Variants in TBC1D8 observed in about 807,000 individuals in gnomAD.
TBC1D8 encodes the protein TBC1 domain family member 8.
Under a neutral mutation model 118.8 loss-of-function variants are expected in TBC1D8, and 65 were observed. The observed-to-expected ratio is 0.55, with a 90% CI of 0.45 to 0.67. The LOEUF is 0.67. TBC1D8 is among the 30% of genes least tolerant of loss of function. TBC1D8 has a pLI of 0.00. For missense variants in TBC1D8, 1,376 were observed against 1,471.2 expected (o/e 0.94, Z 1.06); for synonymous variants, 566 against 595.8 (o/e 0.95, Z 0.73).
intron 1 of TBC1D8, among the ~76,000 whole-genome samples, chr2:101,128,575 G>C (rs772179571): frequency 3.5e-4 from 54 of 152,198 alleles, no homozygotes; most frequent in Non-Finnish European, 1.2e-4. Context: ...ATGTGATCCA[G>C]CAATTCCACT....
chr2:101,105,265 C>T (rs1677127887), intron 1 of TBC1D8, among the ~76,000 whole-genome samples: 1 of 152,024 alleles, frequency 6.6e-6, no homozygotes, highest in Non-Finnish European at 1.5e-5. Flanking sequence ...CCAAAATATA[C>T]AAAGAATTCT....
At chr2:101,139,869 C>A (rs996095893) in intron 1 of TBC1D8, among the ~76,000 whole-genome samples, 3 of 152,158 alleles carry the variant, frequency 2.0e-5, no homozygotes, top group Admixed American at 1.3e-4. Flanking sequence ...GCACTCACCA[C>A]CATTGATAAC....
intron 2 of TBC1D8, among the ~76,000 whole-genome samples, chr2:101,062,229 G>C (rs1480644556): frequency 6.6e-6 from 1 of 151,982 alleles, no homozygotes; most frequent in African/African-American, 2.4e-5. Context: ...GCTTTTCCTG[G>C]GTACTTTAAG....
chr2:101,077,865 GC>G (rs1466868089), intron 2 of TBC1D8, among the ~76,000 whole-genome samples: 1 of 152,134 alleles, frequency 6.6e-6, no homozygotes, highest in Admixed American at 6.5e-5. Context: ...ACAATTACCA[GC>G]CTTTATTCCT....
rs1430153779 is a variant in TBC1D8 at position 101,151,364 on chromosome 2, G to A, written c.-111C>T. 2.5e-5 allele frequency: 25 copies of A among 1,019,666 alleles called. No individual in the cohort carries two copies. Among genetic ancestry groups the A allele is most frequent in the Non-Finnish European group, 3.0e-5 (25 of 828,884 alleles). The allele number at this position is 1,019,666 out of a possible 1,614,324, so 63.2% of individuals were successfully genotyped here. On this transcript the variant is annotated 5_prime_UTR_variant, in exon 1 of 20. Transcript: ENST00000409318. ...CGGCGGCGCGCGGGGACCACAGCCC[G>A]GCCGGTGCCCAGCGCTCTGAGAGCC... is the stretch of plus-strand genomic sequence containing the variant.
At chr2:101,110,718 T>C (rs1156445038) in intron 1 of TBC1D8, among the ~76,000 whole-genome samples, 1 of 152,142 alleles carries the variant, frequency 6.6e-6, no homozygotes, top group Non-Finnish European at 1.5e-5. Flanking sequence ...GTCTCACATC[T>C]GTAATCCCAG....
chr2:101,011,556 G>A lies in TBC1D8; in HGVS notation c.2828-16C>T, dbSNP rs775481404. The A allele has an allele frequency of 1.2e-6, 2 of 1,613,534 alleles. No individual in the cohort carries two copies. The highest frequency in any genetic ancestry group is 1.3e-5 in the African/African-American group (1 of 74,918). On this transcript the variant is annotated splice_polypyrimidine_tract_variant and intron_variant, in intron 17 of 19. Coordinates refer to ENST00000409318, the MANE Select transcript of TBC1D8 (RefSeq NM_001330348.2). ...TCAGTGAGTGCTTAAAAAAAGATGAGAGGTTTAAATTAAACAAATTTTCTG... is the reference window on the plus strand; with the variant it reads ...TCAGTGAGTGCTTAAAAAAAGATGAAAGGTTTAAATTAAACAAATTTTCTG...
intron 1 of TBC1D8, among the ~76,000 whole-genome samples, chr2:101,111,057 C>T (rs1203007891): frequency 6.6e-6 from 1 of 150,498 alleles, no homozygotes; most frequent in Non-Finnish European, 1.5e-5. Context: ...CCGAAAAAGA[C>T]CACATGAAGT....
chr2:101,074,702 T>C (rs6543014), intron 2 of TBC1D8, among the ~76,000 whole-genome samples: 118,748 of 152,218 alleles, frequency 0.78, 47,116 homozygotes, highest in Middle Eastern at 0.93. Flanking sequence ...CAAACAATTA[T>C]GGGAACATTG....
intron 2 of TBC1D8, among the ~76,000 whole-genome samples, chr2:101,079,394 AT>A (rs1355491719): frequency 6.6e-6 from 1 of 152,116 alleles, no homozygotes; most frequent in Non-Finnish European, 1.5e-5. Context: ...TTATTCATGT[AT>A]TTATTTAAAG....
At chr2:101,019,190 G>A (rs776656456) in intron 17 of TBC1D8, 16 of 995,730 alleles carry the variant, frequency 1.6e-5, no homozygotes, top group Non-Finnish European at 2.2e-5. Context: ...CACGGCCGGG[G>A]TTTCAACAAG....
intron 1 of TBC1D8, among the ~76,000 whole-genome samples, chr2:101,100,925 C>T (rs956453579): frequency 6.6e-6 from 1 of 152,132 alleles, no homozygotes; most frequent in African/African-American, 2.4e-5. Context: ...AAATGTAAAA[C>T]CCAAAACCAT....
intron 2 of TBC1D8, among the ~76,000 whole-genome samples, chr2:101,065,040 C>G (rs914777110): frequency 1.3e-5 from 2 of 152,138 alleles, no homozygotes; most frequent in Non-Finnish European, 2.9e-5. Flanking sequence ...AATATTTATT[C>G]TCTTAGGTTT....
At chr2:101,059,852 T>C in intron 2 of TBC1D8, among the ~76,000 whole-genome samples, 1 of 151,816 alleles carries the variant, frequency 6.6e-6, no homozygotes, top group Non-Finnish European at 1.5e-5. Context: ...GGCAGGAGAA[T>C]GGCATGAACC....
intron 2 of TBC1D8, among the ~76,000 whole-genome samples, chr2:101,073,437 G>A (rs1224861624): frequency 1.3e-5 from 2 of 151,854 alleles, no homozygotes; most frequent in African/African-American, 4.8e-5. Flanking sequence ...TGGGAATACA[G>A]GTGCCCGCCA....
intron 5 of TBC1D8, 106 bp from the exon 6 acceptor site, chr2:101,040,491 A>G (rs1005263962): frequency 1.7e-6 from 2 of 1,201,708 alleles, no homozygotes; most frequent in African/African-American, 1.5e-5. Flanking sequence ...TATTTTTGAG[A>G]CAGAGTCTCG....
At chr2:101,095,498 C>T (rs887494850) in intron 1 of TBC1D8, among the ~76,000 whole-genome samples, 1 of 146,190 alleles carries the variant, frequency 6.8e-6, no homozygotes, top group Non-Finnish European at 1.5e-5. Context: ...TGAAAACATG[C>T]GGTGTTTGGT....
chr2:101,059,633 A>G, intron 2 of TBC1D8, 94 bp from the exon 3 acceptor site: 2 of 1,102,826 alleles, frequency 1.8e-6, no homozygotes, highest in Non-Finnish European at 2.7e-6. Context: ...GTGTATCCCC[A>G]TGTTGATGTT....
At chr2:101,137,761 C>G (rs1678921129) in intron 1 of TBC1D8, among the ~76,000 whole-genome samples, 1 of 152,266 alleles carries the variant, frequency 6.6e-6, no homozygotes, top group South Asian at 2.1e-4. Context: ...TACATGCAGG[C>G]TCCATGTGAC....
Sources: allele counts gnomAD v4.1 joint callset (sites outside exome capture counted in the v4.1 genomes callset), GRCh38; gene constraint gnomAD v4.1.1; transcripts MANE v1.5; gene names NCBI Gene and HGNC (gene_info 2026-07-23, HGNC 2026-07-21).